LOXL3: variants seen among roughly 807,000 people sequenced by gnomAD.
The protein encoded by LOXL3 is lysyl oxidase like 3.
LOXL3 carries 60 observed loss-of-function variants against 91.8 expected under a neutral mutation model. The observed-to-expected ratio is 0.65, with a 90% CI of 0.53 to 0.81. The LOEUF is 0.81. Ranked by LOEUF, LOXL3 falls within the 30% of genes least tolerant of loss-of-function variation. The pLI is 0.00. For missense variants in LOXL3, 874 were observed against 1,000.4 expected (o/e 0.87, Z 1.70); for synonymous variants, 355 against 387.6 (o/e 0.92, Z 0.99).
rs775548820 is a variant in LOXL3 at position 74,534,012 on chromosome 2, C to T, written c.2077-19G>A. On this transcript the variant is annotated intron_variant, in intron 12 of 13. Transcript: ENST00000264094. ...TGACAACCTGTGAGTGAGAAAAAGG[C>T]CACTTAACCCAGCGACAATCCTCGA... 8 of 1,611,902 alleles carry T rather than the reference C, an allele frequency of 5.0e-6. No homozygotes were observed. The highest frequency in any genetic ancestry group is 4.2e-6 in the Non-Finnish European group (5 of 1,178,384).
At position 74,535,506 on chromosome 2, in the gene LOXL3, C is replaced by T; in HGVS notation, c.1417-52G>A. The T allele has an allele frequency of 6.2e-7, 1 of 1,612,212 alleles. No homozygotes were observed. The highest frequency in any genetic ancestry group is 1.1e-5 in the South Asian group (1 of 91,066). ...AAGGCCCAGGATCCAGCATCTTGGG[C>T]CAAGGGACTCATTCCTCAGCCCTCT... On this transcript the variant is annotated intron_variant, in intron 8 of 13. Coordinates refer to ENST00000264094, the MANE Select transcript of LOXL3 (RefSeq NM_032603.5). This position sits in a 1 kb window ranked among gnomAD's most constrained non-coding sequence, Gnocchi z 4.2.
Position 74,549,584 on chromosome 2 carries a change from C to CT in LOXL3, c.478-2dup. On this transcript the variant is annotated splice_acceptor_variant, in intron 3 of 13. Transcript: ENST00000264094. LOFTEE classifies it high-confidence loss of function. This position sits in a 1 kb window ranked among gnomAD's most constrained non-coding sequence, Gnocchi z 5.3. ...CCTCCACTTGCAGGTGATGCTCTAC[C>CT]TGGGGGCGGGGCCACAAGCAGGGAA... The CT allele has an allele frequency of 6.2e-7, 1 of 1,602,030 alleles. No homozygotes were observed. The highest frequency in any genetic ancestry group is 1.3e-5 in the African/African-American group (1 of 74,856).
upstream of LOXL3, chr2:74,555,209 G>A (rs267599460): frequency 6.2e-7 from 1 of 1,613,474 alleles, no homozygotes; most frequent in Non-Finnish European, 8.5e-7. The surrounding 1 kb of genome is among the most constrained non-coding windows in gnomAD (Gnocchi z 6.1). Context: ...GGCGTAGCGC[G>A]GCTCGAGTTC....
Position 74,534,649 on chromosome 2 carries a change from TGGCTGAGCG to T in LOXL3, c.1696_1704del (p.Arg566_Ala568del). The T allele has an allele frequency of 6.2e-7, 1 of 1,614,194 alleles. No homozygotes were observed. The highest frequency in any genetic ancestry group is 8.5e-7 in the Non-Finnish European group (1 of 1,180,036). On this transcript the variant is annotated inframe_deletion, in exon 10 of 14. Coordinates refer to ENST00000264094, the MANE Select transcript of LOXL3 (RefSeq NM_032603.5). ...AGACGCCGGTGACCATAGGGCCAGTTGGCTGAGCGGGCTGAGCTGGCCAGGCAGTTCTCT... is the reference window on the plus strand; with the variant it reads ...AGACGCCGGTGACCATAGGGCCAGTTGGCTGAGCTGGCCAGGCAGTTCTCT...
At chr2:74,545,453 C>A (rs1048398975) in intron 4 of LOXL3, among the ~76,000 whole-genome samples, 4 of 152,196 alleles carry the variant, frequency 2.6e-5, no homozygotes, top group Admixed American at 6.5e-5. Context: ...TAAAGCATTC[C>A]ATTTTCTGGC....
intron 1 of LOXL3, among the ~76,000 whole-genome samples, chr2:74,553,611 T>C (rs1398494024): frequency 1.3e-5 from 2 of 152,206 alleles, no homozygotes; most frequent in East Asian, 3.9e-4. Context: ...AGCTTTGTTC[T>C]GGGTTGGGGA....
Position 74,549,464 on chromosome 2 carries a change from TTGCGAC to T in LOXL3, c.591_596del (p.Trp197_Gln199delinsTer). On this transcript the variant is annotated stop_gained and inframe_deletion, in exon 4 of 14. Transcript: ENST00000264094. LOFTEE classifies it high-confidence loss of function. The surrounding 1 kb of genome is among the most constrained non-coding windows in gnomAD (Gnocchi z 5.3). ...GGGCGCTCCAGCCTTTGTCGCACAC[TTGCGAC>T]CAGCCGTCAGGAAGCCTGACTTCCA... is the stretch of plus-strand genomic sequence containing the variant. 3 of 1,613,234 alleles carry T rather than the reference TTGCGAC, an allele frequency of 1.9e-6. No individual in the cohort carries two copies. Among genetic ancestry groups the T allele is most frequent in the Non-Finnish European group, 2.5e-6 (3 of 1,179,750 alleles).
At chr2:74,554,410 G>GATCATTAACAAA, upstream of LOXL3, 1 of 314,574 alleles carries the variant, frequency 3.2e-6, no homozygotes, top group South Asian at 4.5e-5. This position sits in a 1 kb window ranked among gnomAD's most constrained non-coding sequence, Gnocchi z 4.9. Flanking sequence ...GGCGCTTTCG[G>GATCATTAACAAA]GGTGATGTCA....
chr2:74,536,164 G>A lies in LOXL3; in HGVS notation c.1094-14C>T. On this transcript the variant is annotated splice_polypyrimidine_tract_variant and intron_variant, in intron 6 of 13. Coordinates refer to ENST00000264094, the MANE Select transcript of LOXL3 (RefSeq NM_032603.5). The surrounding 1 kb of genome is among the most constrained non-coding windows in gnomAD (Gnocchi z 4.5). ...TAGCACCCATGCCTAGGGCCAGATG[G>A]CAAAGATCAGGAAGTTGTAATTAAG... is the stretch of plus-strand genomic sequence containing the variant. 6.2e-7 allele frequency: 1 copy of A among 1,612,974 alleles called. No individual in the cohort carries two copies. Among genetic ancestry groups the A allele is most frequent in the South Asian group, 1.1e-5 (1 of 91,084 alleles).
In LOXL3 at chr2:74,532,666, A is replaced by G. The variant is rs775494259; in HGVS notation, c.*940T>C. ...CGAGAACCAAGCTTTCCCGATGTTC[A>G]GCATGGTGTACTCATCCATAAAGTC... On this transcript the variant is annotated 3_prime_UTR_variant, in exon 14 of 14. Transcript: ENST00000264094. 1.9e-6 allele frequency: 3 copies of G among 1,613,808 alleles called. No homozygotes were observed. Among genetic ancestry groups the G allele is most frequent in the Non-Finnish European group, 2.5e-6 (3 of 1,180,028 alleles).
Position 74,536,048 on chromosome 2 carries a change from C to G in LOXL3, c.1196G>C (p.Ser399Thr). 6.2e-7 allele frequency: 1 copy of G among 1,608,942 alleles called. No homozygotes were observed. Among genetic ancestry groups the G allele is most frequent in the South Asian group, 1.1e-5 (1 of 90,390 alleles). ...GTTGCACCGGACCCCGGCATCCTGG[C>G]TATGTGAACAATCCTCAGCTGTGAT... Reference protein sequence around the residue: ...KNITAEDCSHSQDAGVRCNLP... With the variant: ...KNITAEDCSHTQDAGVRCNLP... The change falls in exon 7 of 14, where the codon AGC becomes ACC. Residue 399 changes from serine (S) to threonine (T), a missense_variant. By Grantham distance (58) the Ser-to-Thr change is moderately conservative. Coordinates refer to ENST00000264094, the MANE Select transcript of LOXL3 (RefSeq NM_032603.5). This position sits in a 1 kb window ranked among gnomAD's most constrained non-coding sequence, Gnocchi z 4.5.
intron 2 of LOXL3, 76 bp downstream of exon 2, chr2:74,552,246 C>T (rs1677060238): frequency 3.6e-6 from 5 of 1,381,580 alleles, no homozygotes; most frequent in African/African-American, 1.4e-5. Flanking sequence ...TATGGCTGTG[C>T]CATCCTCGTG....
chr2:74,553,851 C>A, intron 1 of LOXL3, 25 bp downstream of exon 1: 1 of 152,790 alleles, frequency 6.5e-6, no homozygotes. Context: ...CTCATTCCCT[C>A]TGCGGTTAGC....
chr2:74,538,014 G>GA (rs1278203791), intron 4 of LOXL3, among the ~76,000 whole-genome samples: 4 of 152,184 alleles, frequency 2.6e-5, no homozygotes, highest in Non-Finnish European at 4.4e-5. Context: ...GACACAGGAG[G>GA]AGGAAAAGTT....
chr2:74,545,936 T>G (rs769062034), intron 4 of LOXL3, among the ~76,000 whole-genome samples: 4 of 152,184 alleles, frequency 2.6e-5, no homozygotes, highest in Non-Finnish European at 5.9e-5. Flanking sequence ...TAAAGAATCT[T>G]AAATTTAACA....
chr2:74,542,285 C>T (rs973226931), intron 4 of LOXL3, among the ~76,000 whole-genome samples: 4 of 151,902 alleles, frequency 2.6e-5, no homozygotes, highest in African/African-American at 9.7e-5. Flanking sequence ...ATAGAGAGAC[C>T]CTGTCTCAAA....
chr2:74,555,110 C>G, upstream of LOXL3: 1 of 1,570,874 alleles, frequency 6.4e-7, no homozygotes. The surrounding 1 kb of genome is among the most constrained non-coding windows in gnomAD (Gnocchi z 6.1). Flanking sequence ...CCCGGGCCGC[C>G]TGCGCACGCC....
At chr2:74,554,575 G>A (rs2104463028), upstream of LOXL3, 1 of 623,288 alleles carries the variant, frequency 1.6e-6, no homozygotes, top group Non-Finnish European at 2.8e-6. This position sits in a 1 kb window ranked among gnomAD's most constrained non-coding sequence, Gnocchi z 4.9. Flanking sequence ...TGCAGCTCCC[G>A]GCTAATCCGG....
upstream of LOXL3, chr2:74,554,616 C>T (rs1374100525): frequency 6.6e-6 from 5 of 762,098 alleles, no homozygotes; most frequent in African/African-American, 1.8e-5. This position sits in a 1 kb window ranked among gnomAD's most constrained non-coding sequence, Gnocchi z 4.9. Context: ...CGCTCCTCTC[C>T]CTCACCCCAC....
Sources: gnomAD v4.1 joint callset for allele counts (sites outside exome capture counted in the v4.1 genomes callset) on GRCh38, gnomAD v4.1.1 for gene constraint, Gnocchi (gnomAD v3.1) non-coding constraint, MANE v1.5 for transcripts, NCBI Gene and HGNC (gene_info 2026-07-23, HGNC 2026-07-21) for gene names.